Variants in KATNAL1 observed in about 807,000 individuals in gnomAD.
The protein encoded by KATNAL1 is katanin p60 ATPase-containing subunit A-like 1.
A neutral mutation model predicts 55.2 loss-of-function variants in KATNAL1; 32 were observed. The ratio of observed to expected loss-of-function variants is 0.58; its 90% CI spans 0.44 to 0.78. KATNAL1 has a LOEUF of 0.78. KATNAL1 is among the 30% of genes least tolerant of loss of function. KATNAL1 has a pLI of 0.00. For synonymous variants in KATNAL1, 193 were observed against 193.6 expected (o/e 1.00, Z 0.02); for missense variants, 466 against 600.9 (o/e 0.78, Z 2.35).
Position 30,227,411 on chromosome 13 carries a change from CCT to C in KATNAL1, c.1146_1147del (p.Ala383LysfsTer5). The C allele has an allele frequency of 1.2e-6, 2 of 1,612,860 alleles. No homozygotes were observed. The highest frequency in any genetic ancestry group is 1.7e-6 in the Non-Finnish European group (2 of 1,179,316). ...AGCTCAAAATAGAGAAGACATCATA[CCT>C]GTTGGGAGAGGTATATATATCCTTT... On this transcript the variant is annotated frameshift_variant and splice_region_variant, in exon 9 of 11. Transcript: ENST00000380615. LOFTEE classifies it high-confidence loss of function.
intron 3 of KATNAL1, among the ~76,000 whole-genome samples, chr13:30,278,621 T>C (rs1881043343): frequency 6.6e-6 from 1 of 152,244 alleles, no homozygotes; most frequent in Admixed American, 6.5e-5. Flanking sequence ...CATGGTGCTC[T>C]AGCAATTCAG....
chr13:30,280,262 T>C (rs1437996668), intron 2 of KATNAL1, 39 bp from the exon 3 acceptor site: 5 of 1,479,488 alleles, frequency 3.4e-6, no homozygotes, highest in Non-Finnish European at 4.5e-6. Context: ...AGAAGCTGTT[T>C]AAATACTTCA....
intron 1 of KATNAL1, among the ~76,000 whole-genome samples, chr13:30,306,400 G>A (rs1417177687): frequency 1.3e-5 from 2 of 151,810 alleles, no homozygotes; most frequent in Admixed American, 1.3e-4. Context: ...AAAGTTACTA[G>A]TAATTTAAAG....
chr13:30,280,739 A>C (rs1448435439), intron 2 of KATNAL1, among the ~76,000 whole-genome samples: 1 of 152,102 alleles, frequency 6.6e-6, no homozygotes, highest in Non-Finnish European at 1.5e-5. Flanking sequence ...ATTCTCCTTC[A>C]CCTGAAATCT....
chr13:30,300,095 C>G (rs1203512002), intron 1 of KATNAL1, among the ~76,000 whole-genome samples: 1 of 152,164 alleles, frequency 6.6e-6, no homozygotes, highest in Non-Finnish European at 1.5e-5. Flanking sequence ...CCCAATCCCA[C>G]CAGGGATGTC....
chr13:30,220,090 T>A (rs1194620150), intron 9 of KATNAL1, among the ~76,000 whole-genome samples: 1 of 152,264 alleles, frequency 6.6e-6, no homozygotes, highest in Admixed American at 6.5e-5. Context: ...TATCAATTTT[T>A]ATTTATAATC....
At chr13:30,269,053 G>GCTCCCT (rs1244545347) in intron 3 of KATNAL1, among the ~76,000 whole-genome samples, 1 of 152,010 alleles carries the variant, frequency 6.6e-6, no homozygotes, top group African/African-American at 2.4e-5. Context: ...AAATAAAGCT[G>GCTCCCT]CTCCCTCTCC....
chr13:30,213,001 G>T (rs535269166), intron 9 of KATNAL1, among the ~76,000 whole-genome samples: 4 of 152,176 alleles, frequency 2.6e-5, no homozygotes, highest in Non-Finnish European at 4.4e-5. Flanking sequence ...AAGACCACAT[G>T]AAGACGCCGG....
chr13:30,250,905 G>A (rs1029227701), intron 4 of KATNAL1, among the ~76,000 whole-genome samples: 8 of 152,176 alleles, frequency 5.3e-5, no homozygotes, highest in Non-Finnish European at 7.4e-5. Flanking sequence ...TCGGGAGGCC[G>A]AGGCGGGCGG....
intron 1 of KATNAL1, among the ~76,000 whole-genome samples, chr13:30,284,486 T>C (rs1265091235): frequency 2.6e-5 from 4 of 152,178 alleles, no homozygotes. Context: ...CTGAAGTCAG[T>C]TGAAACTATA....
intron 3 of KATNAL1, among the ~76,000 whole-genome samples, chr13:30,268,830 A>G (rs1256568119): frequency 6.6e-6 from 1 of 152,200 alleles, no homozygotes; most frequent in Admixed American, 6.5e-5. Flanking sequence ...GAATAAACCT[A>G]AATAAGCATT....
chr13:30,246,432 T>TA (rs1337503759), intron 4 of KATNAL1, among the ~76,000 whole-genome samples: 1 of 152,084 alleles, frequency 6.6e-6, no homozygotes, highest in Admixed American at 6.5e-5. Context: ...CCTAAAACCA[T>TA]AAAAACCCTA....
At chr13:30,229,821 T>C (rs927954259) in intron 8 of KATNAL1, among the ~76,000 whole-genome samples, 2 of 152,036 alleles carry the variant, frequency 1.3e-5, no homozygotes, top group African/African-American at 4.8e-5. Flanking sequence ...GGGTAAATTG[T>C]ATGGAAAAAA....
intron 8 of KATNAL1, 120 bp downstream of exon 8, chr13:30,230,348 T>C (rs925362522): frequency 7.2e-6 from 6 of 835,416 alleles, no homozygotes; most frequent in Admixed American, 6.1e-5. Flanking sequence ...AATGAACAAA[T>C]AAATGGGTGA....
intron 2 of KATNAL1, chr13:30,281,893 G>A (rs1366836043): frequency 6.6e-6 from 1 of 152,142 alleles, no homozygotes. Context: ...TTCTAAAAAG[G>A]ATGTTACGTT....
At chr13:30,221,978 G>A (rs35504205) in intron 9 of KATNAL1, among the ~76,000 whole-genome samples, 5,793 of 152,276 alleles carry the variant, frequency 0.038, 146 homozygotes, top group African/African-American at 0.061. Flanking sequence ...TTGAACCCAG[G>A]AGGCGGAGGT....
intron 3 of KATNAL1, among the ~76,000 whole-genome samples, chr13:30,261,130 T>G (rs1879252944): frequency 6.6e-6 from 1 of 150,824 alleles, no homozygotes; most frequent in Non-Finnish European, 1.5e-5. Flanking sequence ...AGCTTCATAG[T>G]GAGGGAGAAA....
At chr13:30,210,145 T>G (rs1873534421) in intron 10 of KATNAL1, among the ~76,000 whole-genome samples, 171 bp downstream of exon 10, 1 of 150,526 alleles carries the variant, frequency 6.6e-6, no homozygotes, top group South Asian at 2.1e-4. Flanking sequence ...CATCTCACAA[T>G]GAAAAATAAA....
Position 30,208,377 on chromosome 13 carries a change from A to G in KATNAL1, c.*163T>C. 1 of 580,240 alleles carries G rather than the reference A, an allele frequency of 1.7e-6. No homozygotes were observed. Among genetic ancestry groups the G allele is most frequent in the Non-Finnish European group, 2.9e-6 (1 of 341,650 alleles). The allele number at this position is 580,240 out of a possible 1,614,324, so 35.9% of individuals were successfully genotyped here. The stretch of plus-strand genomic sequence containing the variant: ...GACTAGCAAACTCTCGCCATCAATT[A>G]TTTCTCAACTACATTTAGTATTCTT... On this transcript the variant is annotated 3_prime_UTR_variant, in exon 11 of 11. Transcript: ENST00000380615.
Sources: allele counts gnomAD v4.1 joint callset (sites outside exome capture counted in the v4.1 genomes callset), GRCh38; gene constraint gnomAD v4.1.1; transcripts MANE v1.5; gene names NCBI Gene and HGNC (gene_info 2026-07-23, HGNC 2026-07-21).